Variants in FLT4 observed in about 807,000 individuals in gnomAD.
FLT4 encodes vascular endothelial growth factor receptor 3.
A neutral mutation model predicts 163.2 loss-of-function variants in FLT4; 30 were observed. The observed-to-expected ratio is 0.18, with a 90% confidence interval of 0.14 to 0.25. The LOEUF (loss-of-function observed/expected upper bound fraction) is 0.25, where lower values mean the gene tolerates loss of function less well. Among genes scored for constraint, FLT4 ranks in the 10% least tolerant of loss-of-function variants. The pLI is 1.00. For synonymous variants in FLT4, 884 were observed against 789.5 expected (o/e 1.12, Z -2.01); for missense variants, 1,510 against 1,863.8 (o/e 0.81, Z 3.50).
chr5:180,647,648 A>G (rs1420653134), intron 1 of FLT4, among the ~76,000 whole-genome samples: 3 of 151,246 alleles, frequency 2.0e-5, no homozygotes, highest in African/African-American at 4.9e-5. Flanking sequence ...ATCCCCCATC[A>G]AGCTGGGGGC....
intron 1 of FLT4, among the ~76,000 whole-genome samples, chr5:180,638,138 C>T (rs987464576): frequency 1.3e-5 from 2 of 152,192 alleles, no homozygotes; most frequent in African/African-American, 2.4e-5. Context: ...TGGCCACCGC[C>T]GTCTCTCTGG....
intron 1 of FLT4, among the ~76,000 whole-genome samples, chr5:180,645,691 G>A (rs989130227): frequency 2.6e-5 from 4 of 152,166 alleles, no homozygotes; most frequent in Non-Finnish European, 5.9e-5. Flanking sequence ...CGTCCAGCCC[G>A]GCCAGGGCTG....
rs377256001 is a variant in FLT4, at chr5:180,612,485, C to T, written c.3537+21G>A. The T allele has an allele frequency of 2.6e-4, 414 of 1,578,050 alleles. 1 individual carries two copies. Among genetic ancestry groups the T allele is most frequent in the South Asian group, 5.0e-4 (45 of 90,430 alleles). On this transcript the variant is annotated intron_variant, in intron 26 of 29. Transcript: ENST00000261937. ...GCAGGGGCCAAAGGCCATAGTAGAACAGGGTGGGGAAGGGGCTCACTTGCA... is the reference window on the plus strand; with the variant it reads ...GCAGGGGCCAAAGGCCATAGTAGAATAGGGTGGGGAAGGGGCTCACTTGCA...
chr5:180,626,181 G>T lies in FLT4; in HGVS notation c.1188C>A (p.Thr396=). Residue 396 remains threonine, a synonymous_variant, in exon 9 of 30, where the codon ACC becomes ACA. Coordinates refer to ENST00000261937, the MANE Select transcript of FLT4 (RefSeq NM_182925.5). ...LKEVTEASTG[T]YTLALWNSAA... is the part of the protein sequence containing the mutation. ...CGGAGTTCCACAGGGCGAGGGTGTA[G>T]GTGCCTGTGCTGGCCTCTGTCACCT... The T allele has an allele frequency of 1.2e-6, 2 of 1,612,876 alleles. No homozygotes were observed. Among genetic ancestry groups the T allele is most frequent in the South Asian group, 1.1e-5 (1 of 91,086 alleles).
At position 180,639,475 on chromosome 5, in the gene FLT4, G is replaced by T. The variant is rs114890382; in HGVS notation, c.59-7697C>A. Among the ~76,000 whole-genome samples the T allele has an allele frequency of 8.9e-3, 1,354 of 152,128 alleles. 23 individuals carry two copies. Among genetic ancestry groups the T allele is most frequent in the African/African-American group, 0.031 (1,274 of 41,470 alleles). ...GATGGGTAGATTGAACAGAAGGATG[G>T]ATGGACGGGCAGATGGAAGGATGAA... On this transcript the variant is annotated intron_variant, in intron 1 of 29. Transcript: ENST00000261937.
At chr5:180,649,445 G>A (rs866923195) in intron 1 of FLT4, 43 bp downstream of exon 1, 1 of 1,411,046 alleles carries the variant, frequency 7.1e-7, no homozygotes, top group Non-Finnish European at 9.4e-7. Flanking sequence ...CCCCTCCCCG[G>A]CCAGCCCCAC....
intron 8 of FLT4, 64 bp from the exon 9 acceptor site, chr5:180,626,329 A>AC: frequency 6.4e-7 from 1 of 1,566,322 alleles, no homozygotes; most frequent in Non-Finnish European, 8.7e-7. Context: ...TCATGCTGGC[A>AC]CCCCCACCCC....
At chr5:180,646,756 G>A (rs1310485757) in intron 1 of FLT4, among the ~76,000 whole-genome samples, 1 of 152,222 alleles carries the variant, frequency 6.6e-6, no homozygotes, top group Non-Finnish European at 1.5e-5. Flanking sequence ...GTCTTGCATA[G>A]AACTGCAGGC....
intron 1 of FLT4, among the ~76,000 whole-genome samples, chr5:180,645,554 A>G (rs1349863922): frequency 1.3e-5 from 2 of 151,710 alleles, no homozygotes; most frequent in Non-Finnish European, 2.9e-5. Flanking sequence ...TTTCCCATGA[A>G]CCCCTGCTGA....
At chr5:180,641,982 G>A (rs778305181) in intron 1 of FLT4, among the ~76,000 whole-genome samples, 1 of 151,574 alleles carries the variant, frequency 6.6e-6, no homozygotes, top group Non-Finnish European at 1.5e-5. Flanking sequence ...GCCAAGGTGG[G>A]CGGATCAGGA....
chr5:180,632,907 G>A (rs1341045675), intron 1 of FLT4, among the ~76,000 whole-genome samples: 2 of 152,072 alleles, frequency 1.3e-5, no homozygotes, highest in African/African-American at 4.8e-5. Context: ...GGAAGGGAGG[G>A]CTGCATGGCC....
In FLT4 at chr5:180,602,519, C is replaced by G. The variant is rs976750123; in HGVS notation, c.*673G>C. The G allele has an allele frequency of 1.0e-5, 4 of 398,826 alleles. No individual in the cohort carries two copies. Among genetic ancestry groups the G allele is most frequent in the Admixed American group, 8.8e-5 (2 of 22,856 alleles). 24.7% of individuals were successfully genotyped at this position (398,826 alleles called of 1,614,324 possible). On this transcript the variant is annotated 3_prime_UTR_variant, in exon 30 of 30. Coordinates refer to ENST00000261937, the MANE Select transcript of FLT4 (RefSeq NM_182925.5). Reference sequence around the variant, plus strand: ...GTGAAGTTCTGTTGAAAAAGACTTGCAGGATGGCTCTCAACACCCAGGCGC... The same window carrying G: ...GTGAAGTTCTGTTGAAAAAGACTTGGAGGATGGCTCTCAACACCCAGGCGC...
intron 1 of FLT4, among the ~76,000 whole-genome samples, chr5:180,632,839 G>A (rs1206107137): frequency 2.6e-5 from 4 of 152,050 alleles, no homozygotes; most frequent in Non-Finnish European, 4.4e-5. Context: ...GGCCCCAGGG[G>A]AGGTCTGGGT....
chr5:180,625,153 GA>G (rs1025654979), intron 10 of FLT4, among the ~76,000 whole-genome samples: 1 of 152,158 alleles, frequency 6.6e-6, no homozygotes, highest in African/African-American at 2.4e-5. Flanking sequence ...TTGATACTAG[GA>G]ATCTCTTGCT....
intron 26 of FLT4, chr5:180,611,681 G>T: frequency 2.0e-6 from 1 of 508,152 alleles, no homozygotes; most frequent in Non-Finnish European, 3.4e-6. Context: ...CCTGACCCCT[G>T]AGATAGGGCC....
intron 23 of FLT4, among the ~76,000 whole-genome samples, chr5:180,615,717 TTCCTTTC>T (rs1762624988): frequency 1.3e-4 from 11 of 82,232 alleles, no homozygotes; most frequent in South Asian, 5.0e-4. Flanking sequence ...CGAAATCCAC[TTCCTTTC>T]GGAGCACTGG....
Position 180,619,479 on chromosome 5 carries a change from G to C in FLT4, c.2648-113C>G, listed in dbSNP as rs753447397. 9 of 950,382 alleles carry C rather than the reference G, an allele frequency of 9.5e-6. No individual in the cohort carries two copies. The South Asian group carries it at 1.0e-4, about 11-fold the overall frequency. The allele number at this position is 950,382 out of a possible 1,614,324, so 58.9% of individuals were successfully genotyped here. A position where few individuals can be genotyped will look rare whatever the true frequency, so the allele number is the denominator to read the frequency against. On this transcript the variant is annotated intron_variant, in intron 18 of 29. Transcript: ENST00000261937. ...CTAAGGGCCCCCAGGACATCCTGCC[G>C]GCCCCACTGAGGCAGAGGGGGTTCG... is the stretch of plus-strand genomic sequence containing the variant.
intron 26 of FLT4, 137 bp from the exon 27 acceptor site, chr5:180,611,616 C>T (rs1449685126): frequency 2.1e-6 from 2 of 932,574 alleles, no homozygotes; most frequent in East Asian, 2.6e-5. Flanking sequence ...TCAGCTCTCG[C>T]CCCCGCCCTC....
chr5:180,633,689 T>A (rs1211104497), intron 1 of FLT4, among the ~76,000 whole-genome samples: 2 of 152,076 alleles, frequency 1.3e-5, no homozygotes, highest in African/African-American at 4.8e-5. Flanking sequence ...GGAAAGTAAG[T>A]CCATGCCAGG....
Sources: gnomAD v4.1 joint callset for allele counts (sites outside exome capture counted in the v4.1 genomes callset) on GRCh38, gnomAD v4.1.1 for gene constraint, MANE v1.5 for transcripts, NCBI Gene and HGNC (gene_info 2026-07-23, HGNC 2026-07-21) for gene names.